Variants in EHD3 observed in about 807,000 individuals in gnomAD.
The protein encoded by EHD3 is EH domain-containing protein 3.
In EHD3, 17 loss-of-function variants were observed where a neutral mutation model predicts 43.0. The observed-to-expected ratio is 0.40, with a 90% CI of 0.27 to 0.59. The LOEUF (loss-of-function observed/expected upper bound fraction) is 0.59. Ranked by LOEUF, EHD3 falls within the 20% of genes least tolerant of loss-of-function variation. The pLI is 0.49. For missense variants in EHD3, 594 were observed against 705.6 expected (o/e 0.84, Z 1.79); for synonymous variants, 313 against 289.5 (o/e 1.08, Z -0.82).
Position 31,266,782 on chromosome 2 carries a change from ACACACACACACAAACATG to A in EHD3, c.*89_*106del. On this transcript the variant is annotated 3_prime_UTR_variant, in exon 6 of 6. Coordinates refer to ENST00000322054, the MANE Select transcript of EHD3 (RefSeq NM_014600.3). The surrounding 1 kb of genome is among the most constrained non-coding windows in gnomAD (Gnocchi z 5.1). The stretch of plus-strand genomic sequence containing the variant: ...TGACTACACACACACACACACACAC[ACACACACACACAAACATG>A]CACACACACATATGCATATCTTGAC... The A allele has an allele frequency of 2.8e-6, 4 of 1,411,404 alleles. No individual in the cohort carries two copies. Among genetic ancestry groups the A allele is most frequent in the Non-Finnish European group, 1.9e-6 (2 of 1,045,582 alleles). 87.4% of individuals were successfully genotyped at this position (1,411,404 alleles called of 1,614,324 possible).
intron 3 of EHD3, among the ~76,000 whole-genome samples, chr2:31,254,674 G>T (rs1165298374): frequency 6.6e-6 from 1 of 152,176 alleles, no homozygotes; most frequent in Non-Finnish European, 1.5e-5. Flanking sequence ...GCAAGTAAGT[G>T]CCTGGTTTGA....
chr2:31,242,555 A>ATG (rs1252078823), intron 1 of EHD3, among the ~76,000 whole-genome samples: 1 of 152,238 alleles, frequency 6.6e-6, no homozygotes, highest in Non-Finnish European at 1.5e-5. Flanking sequence ...TTTGCCAGGT[A>ATG]CTATACAAGG....
In EHD3 at chr2:31,261,818, C is replaced by A. The variant is rs112391077; in HGVS notation, c.1080+105C>A. On this transcript the variant is annotated intron_variant, in intron 5 of 5. Transcript: ENST00000322054. The stretch of plus-strand genomic sequence containing the variant: ...TCTTGGAGCCCCCCAGGGAGAACCC[C>A]GCCCAGAATCTGCAGGCAAGGAGGT... 3,659 of 1,373,078 alleles carry A rather than the reference C, an allele frequency of 2.7e-3. 69 individuals are homozygous for A. Among genetic ancestry groups the A allele is most frequent in the South Asian group, 0.026 (1,797 of 70,302 alleles). 85.1% of individuals were successfully genotyped at this position (1,373,078 alleles called of 1,614,324 possible).
chr2:31,247,697 C>G (rs1683553097), intron 2 of EHD3, among the ~76,000 whole-genome samples: 1 of 152,144 alleles, frequency 6.6e-6, no homozygotes, highest in Non-Finnish European at 1.5e-5. Context: ...TAAGGCTGAT[C>G]CAGTCCAGTG....
chr2:31,261,754 C>T (rs758846030), intron 5 of EHD3, 41 bp downstream of exon 5: 13 of 1,601,984 alleles, frequency 8.1e-6, no homozygotes, highest in Admixed American at 1.7e-5. Flanking sequence ...GACAGTGTCC[C>T]GAGAGCTGGC....
chr2:31,256,751 G>A (rs924228537), intron 3 of EHD3, among the ~76,000 whole-genome samples: 1 of 152,210 alleles, frequency 6.6e-6, no homozygotes, highest in African/African-American at 2.4e-5. Flanking sequence ...CAAGTTGCAG[G>A]GACAGAGCCT....
At chr2:31,243,478 CAG>C (rs1209732866) in intron 1 of EHD3, among the ~76,000 whole-genome samples, 1 of 57,192 alleles carries the variant, frequency 1.7e-5, no homozygotes, top group Non-Finnish European at 2.9e-5. Flanking sequence ...TTTTTTGAGA[CAG>C]AGTTTCGTTC....
At chr2:31,265,704 G>T (rs1022187455) in intron 5 of EHD3, among the ~76,000 whole-genome samples, 2 of 152,148 alleles carry the variant, frequency 1.3e-5, no homozygotes, top group African/African-American at 4.8e-5. Flanking sequence ...GGGAGTGAAC[G>T]AGGTAATGTA....
In EHD3 at chr2:31,234,766, G is replaced by A. The variant is rs752842515; in HGVS notation, c.145G>A (p.Ala49Thr). Residue 49 changes from alanine to threonine, a missense_variant, in exon 1 of 6, where the codon GCC becomes ACC. Ala to Thr is a moderately conservative substitution (Grantham distance 58). Transcript: ENST00000322054. ...CCGCTTCCACGAGTTCCACTCGCCC[G>A]CCCTGGAGGATGCCGACTTCGACAA... ...HYRFHEFHSP[A>T]LEDADFDNKP... The A allele has an allele frequency of 6.2e-7, 1 of 1,614,032 alleles. No homozygotes were observed. The highest frequency in any genetic ancestry group is 1.3e-5 in the African/African-American group (1 of 74,914).
intron 2 of EHD3, among the ~76,000 whole-genome samples, chr2:31,247,368 T>A (rs140078714): frequency 7.2e-5 from 11 of 151,730 alleles, no homozygotes; most frequent in Non-Finnish European, 1.6e-4. Flanking sequence ...AAAAAAATTA[T>A]AAAGAAAATA....
In EHD3 at chr2:31,267,856, A is replaced by AGTGGGTG. The variant is rs1683985998; in HGVS notation, c.*1154_*1155insGGGTGGT. 4 of 152,372 alleles carry AGTGGGTG rather than the reference A, an allele frequency of 2.6e-5. No individual in the cohort carries two copies. In the South Asian group the frequency reaches 8.3e-4, roughly 32 times the overall value. 9.4% of individuals were successfully genotyped at this position (152,372 alleles called of 1,614,324 possible). A position where few individuals can be genotyped will look rare whatever the true frequency, so the allele number is the denominator to read the frequency against. ...GCCGGCCAGCATTTGGTGGCCCATC[A>AGTGGGTG]GTCTGGCCATCTGTCACGTCACAGA... On this transcript the variant is annotated 3_prime_UTR_variant, in exon 6 of 6. Coordinates refer to ENST00000322054, the MANE Select transcript of EHD3 (RefSeq NM_014600.3).
chr2:31,262,983 T>C (rs1683882370), intron 5 of EHD3, among the ~76,000 whole-genome samples: 1 of 152,216 alleles, frequency 6.6e-6, no homozygotes, highest in Admixed American at 6.5e-5. Flanking sequence ...TAATAGATGC[T>C]GTTGCTCTTG....
At chr2:31,245,751 T>TTTC (rs1203997922) in intron 2 of EHD3, among the ~76,000 whole-genome samples, 1 of 144,228 alleles carries the variant, frequency 6.9e-6, no homozygotes, top group African/African-American at 2.6e-5. Context: ...TTTTTTTTTT[T>TTTC]TTTTTTTTTA....
At chr2:31,242,540 C>A (rs1683442224) in intron 1 of EHD3, among the ~76,000 whole-genome samples, 1 of 152,200 alleles carries the variant, frequency 6.6e-6, no homozygotes, top group Non-Finnish European at 1.5e-5. Context: ...GCTGAACATA[C>A]CTATTTTGCC....
Position 31,268,740 on chromosome 2 carries a change from T to A in EHD3, c.*2036T>A, listed in dbSNP as rs1249448361. 1 of 152,140 alleles carries A rather than the reference T, an allele frequency of 6.6e-6. No homozygotes were observed. The highest frequency in any genetic ancestry group is 1.5e-5 in the Non-Finnish European group (1 of 68,036). 9.4% of individuals were successfully genotyped at this position (152,140 alleles called of 1,614,324 possible). A position where few individuals can be genotyped will look rare whatever the true frequency, so the allele number is the denominator to read the frequency against. ...CTGGAGAAAACCCTTGAGTGCCGAG[T>A]GCAGGTTAGGGACCATTTCTCAACT... On this transcript the variant is annotated 3_prime_UTR_variant, in exon 6 of 6. Coordinates refer to ENST00000322054, the MANE Select transcript of EHD3 (RefSeq NM_014600.3).
chr2:31,266,322 T>C lies in EHD3; in HGVS notation c.1226T>C (p.Val409Ala). 1 of 1,614,040 alleles carries C rather than the reference T, an allele frequency of 6.2e-7. No individual in the cohort carries two copies. The highest frequency in any genetic ancestry group is 1.3e-5 in the African/African-American group (1 of 74,996). The change falls in exon 6 of 6, where the codon GTG (valine) becomes GCG (alanine). Residue 409 changes from valine to alanine, a missense_variant. By Grantham distance (64) the Val-to-Ala change is moderately conservative. Transcript: ENST00000322054. This position sits in a 1 kb window ranked among gnomAD's most constrained non-coding sequence, Gnocchi z 5.1. ...QEESQRPIQM[V>A]KGGAFEGTLH... is the part of the protein sequence containing the mutation. ...GAGTCACAGCGGCCCATCCAGATGG[T>C]GAAGGGCGGAGCGTTCGAGGGCACC...
intron 3 of EHD3, among the ~76,000 whole-genome samples, chr2:31,257,630 A>G (rs1683777474): frequency 6.6e-6 from 1 of 152,158 alleles, no homozygotes; most frequent in Non-Finnish European, 1.5e-5. Context: ...TGAGGGTGAC[A>G]TGAGATAATG....
chr2:31,239,000 G>C (rs1683371790), intron 1 of EHD3, among the ~76,000 whole-genome samples: 1 of 152,190 alleles, frequency 6.6e-6, no homozygotes, highest in Non-Finnish European at 1.5e-5. Flanking sequence ...GCACTTGGTA[G>C]GGCTGCTGGG....
rs1395925714 is a variant in EHD3, at chr2:31,260,849, A to T, written c.842A>T (p.Asp281Val). 1 of 1,614,192 alleles carries T rather than the reference A, an allele frequency of 6.2e-7. No individual in the cohort carries two copies. The highest frequency in any genetic ancestry group is 8.5e-7 in the Non-Finnish European group (1 of 1,180,036). The change falls in exon 4 of 6, where the codon GAC becomes GTC. Residue 281 changes from aspartate to valine, a missense_variant. Asp to Val is a radical substitution (Grantham distance 152). This residue lies in a region of EHD3 where 322 missense variants were observed against 348.0 expected (regional missense o/e 0.93). Transcript: ENST00000322054. This position sits in a 1 kb window ranked among gnomAD's most constrained non-coding sequence, Gnocchi z 4.6. ...FEAEEQDLFR[D>V]IQSLPRNAAL... ...GCTGAGGAACAGGACCTATTCAGGG[A>T]CATCCAGAGTCTGCCCCGAAATGCT...
Sources: allele counts gnomAD v4.1 joint callset (sites outside exome capture counted in the v4.1 genomes callset), GRCh38; gene constraint gnomAD v4.1.1; regional missense constraint gnomAD v4.1.1; non-coding constraint Gnocchi (gnomAD v3.1); transcripts MANE v1.5; gene names NCBI Gene and HGNC (gene_info 2026-07-23, HGNC 2026-07-21).